MTPAP: variants seen among roughly 807,000 people sequenced by gnomAD.
MTPAP encodes poly(A) RNA polymerase, mitochondrial.
MTPAP carries 23 observed loss-of-function variants against 48.7 expected under a neutral mutation model. That is an observed-to-expected ratio of 0.47 (90% confidence interval 0.34 to 0.67). The LOEUF (loss-of-function observed/expected upper bound fraction) is 0.67, where lower values mean the gene tolerates loss of function less well. MTPAP is among the 30% of genes least tolerant of loss of function. MTPAP has a pLI of 0.01. For missense variants in MTPAP, 614 were observed against 694.3 expected (o/e 0.88, Z 1.30); for synonymous variants, 257 against 254.1 (o/e 1.01, Z -0.11).
chr10:30,317,021 CTA>C (rs1564518188), intron 6 of MTPAP, among the ~76,000 whole-genome samples: 1 of 152,078 alleles, frequency 6.6e-6, no homozygotes, highest in Non-Finnish European at 1.5e-5. Context: ...AATTTCTTGT[CTA>C]TGATTTAATG....
chr10:30,327,859 A>AT (rs534825118), intron 4 of MTPAP, among the ~76,000 whole-genome samples: 2 of 152,036 alleles, frequency 1.3e-5, no homozygotes, highest in South Asian at 4.1e-4. Flanking sequence ...AAAAAAAAAA[A>AT]AACTGAAGTA....
chr10:30,339,571 G>A (rs1263802666), intron 3 of MTPAP, among the ~76,000 whole-genome samples: 1 of 151,796 alleles, frequency 6.6e-6, no homozygotes, highest in Non-Finnish European at 1.5e-5. Flanking sequence ...TCATTATGCT[G>A]GAAAGAGAAA....
chr10:30,313,999 T>C, intron 8 of MTPAP, 28 bp from the exon 9 acceptor site: 1 of 1,608,016 alleles, frequency 6.2e-7, no homozygotes, highest in African/African-American at 1.3e-5. Context: ...GAAGAAAAAA[T>C]GAGTAAGTAC....
rs985608189 is a variant in MTPAP at position 30,311,547 on chromosome 10, C to G, written c.*2062G>C. The stretch of plus-strand genomic sequence containing the variant: ...TGACCTAGCATTTTCCTACATCCCT[C>G]GCTTAATCCTCACATTGATCTGATC... On this transcript the variant is annotated 3_prime_UTR_variant, in exon 9 of 9. Transcript: ENST00000263063. The G allele has an allele frequency of 6.6e-6, 1 of 152,170 alleles. No homozygotes were observed. Among genetic ancestry groups the G allele is most frequent in the Non-Finnish European group, 1.5e-5 (1 of 68,034 alleles). The allele number at this position is 152,170 out of a possible 1,614,324, so 9.4% of individuals were successfully genotyped here.
intron 4 of MTPAP, among the ~76,000 whole-genome samples, chr10:30,335,071 A>G (rs972382279): frequency 6.6e-6 from 1 of 152,264 alleles, no homozygotes; most frequent in Non-Finnish European, 1.5e-5. Flanking sequence ...GAAGATGAAT[A>G]TAAGTTGTCT....
In MTPAP at chr10:30,340,477, G is replaced by T. The variant is rs772525499; in HGVS notation, c.331-27C>A. On this transcript the variant is annotated intron_variant, in intron 2 of 8. Transcript: ENST00000263063. ...TATACCAAAAACATAAGAAAAAACA[G>T]AACACATTTCACGATATATCTAACA... 8.6e-6 allele frequency: 13 copies of T among 1,511,354 alleles called. No individual in the cohort carries two copies. In the Admixed American group the frequency reaches 2.0e-4, roughly 23 times the overall value. 93.6% of individuals were successfully genotyped at this position (1,511,354 alleles called of 1,614,324 possible).
chr10:30,347,455 A>T (rs1268019286), intron 1 of MTPAP, among the ~76,000 whole-genome samples: 2 of 152,250 alleles, frequency 1.3e-5, no homozygotes, highest in Middle Eastern at 3.2e-3. Context: ...TGGTAAAGAC[A>T]TCCAAATGAG....
chr10:30,340,439 A>C lies in MTPAP; in HGVS notation c.342T>G (p.Ala114=). Residue 114 remains alanine, a synonymous_variant, in exon 3 of 9, where the codon GCT becomes GCG. Transcript: ENST00000263063. The stretch of plus-strand genomic sequence containing the variant: ...TTTCCTTTTGGCAAAATTCTACGAC[A>C]GCATAGAGACCCTATACCAAAAACA... ...HFFYESFGLY[A]VVEFCQKESI... 6.2e-7 allele frequency: 1 copy of C among 1,613,786 alleles called. No homozygotes were observed.
chr10:30,349,156 A>G lies in MTPAP; in HGVS notation c.120T>C (p.Leu40=). 6.2e-7 allele frequency: 1 copy of G among 1,613,592 alleles called. No homozygotes were observed. Among genetic ancestry groups the G allele is most frequent in the Non-Finnish European group, 8.5e-7 (1 of 1,179,780 alleles). ...TCCCTGAAGGCTGCTCGTCTCTCCT[A>G]AGGTCTTTGGCCACAGTTCCTGGGC... ...LSCPGTVAKD[L]RRDEQPSGSV... The change falls in exon 1 of 9, where the codon CTT becomes CTC. Residue 40 remains leucine (L), a synonymous_variant. Transcript: ENST00000263063.
At chr10:30,322,655 C>G in intron 5 of MTPAP, 38 bp from the exon 6 acceptor site, 1 of 1,444,840 alleles carries the variant, frequency 6.9e-7, no homozygotes. Flanking sequence ...TTCAAATCCC[C>G]AAATTATAAA....
In MTPAP at chr10:30,312,299, G is replaced by A. The variant is rs977297260; in HGVS notation, c.*1310C>T. 1 of 151,854 alleles carries A rather than the reference G, an allele frequency of 6.6e-6. No homozygotes were observed. The highest frequency in any genetic ancestry group is 1.5e-5 in the Non-Finnish European group (1 of 67,992). 9.4% of individuals were successfully genotyped at this position (151,854 alleles called of 1,614,324 possible). On this transcript the variant is annotated 3_prime_UTR_variant, in exon 9 of 9. Coordinates refer to ENST00000263063, the MANE Select transcript of MTPAP (RefSeq NM_018109.4). ...CTTGGATTGAAAATACAGTATTCTCGGCCAGGCATGGTGGCTCACGCTTGT... is the reference window on the plus strand; with the variant it reads ...CTTGGATTGAAAATACAGTATTCTCAGCCAGGCATGGTGGCTCACGCTTGT...
At position 30,322,491 on chromosome 10, in the gene MTPAP, T is replaced by C. The variant is rs762613462; in HGVS notation, c.1119A>G (p.Ala373=). 5 of 1,613,744 alleles carry C rather than the reference T, an allele frequency of 3.1e-6. No individual in the cohort carries two copies. The highest frequency in any genetic ancestry group is 2.7e-5 in the African/African-American group (2 of 75,040). Residue 373 remains alanine, a synonymous_variant, in exon 6 of 9, where the codon GCA becomes GCG. Transcript: ENST00000263063. ...TTGTAAGGGAGAAATTTGTAATCCA[T>C]GCACCAGGAATACTACTTGTTAGTG... is the stretch of plus-strand genomic sequence containing the variant. ...AHSLTSSIPG[A]WITNFSLTMM... is the part of the protein sequence containing the mutation.
In MTPAP at chr10:30,349,174, T is replaced by A. The variant is rs1720227168; in HGVS notation, c.102A>T (p.Gly34=). Residue 34 remains glycine, a synonymous_variant, in exon 1 of 9, where the codon GGA becomes GGT. Coordinates refer to ENST00000263063, the MANE Select transcript of MTPAP (RefSeq NM_018109.4). The part of the protein sequence containing the change: ...RPIVRLLSCP[G]TVAKDLRRDE... ...CTCTCCTAAGGTCTTTGGCCACAGT[T>A]CCTGGGCAACTCAAAAGCCTGACGA... 5 of 1,612,616 alleles carry A rather than the reference T, an allele frequency of 3.1e-6. No homozygotes were observed. Among genetic ancestry groups the A allele is most frequent in the Non-Finnish European group, 4.2e-6 (5 of 1,179,692 alleles).
intron 1 of MTPAP, 76 bp downstream of exon 1, chr10:30,349,043 G>A: frequency 1.2e-6 from 2 of 1,605,802 alleles, no homozygotes; most frequent in Non-Finnish European, 8.5e-7. Context: ...CGTTTCCACA[G>A]GCCACGTGTT....
At chr10:30,326,944 C>T (rs978659901) in intron 4 of MTPAP, among the ~76,000 whole-genome samples, 2 of 152,140 alleles carry the variant, frequency 1.3e-5, no homozygotes, top group East Asian at 3.8e-4. Context: ...GAACCATTCA[C>T]CTTATAAATT....
chr10:30,330,754 T>G (rs1197418391), intron 4 of MTPAP, among the ~76,000 whole-genome samples: 1 of 152,170 alleles, frequency 6.6e-6, no homozygotes, highest in Non-Finnish European at 1.5e-5. Flanking sequence ...CTTTGGCCAG[T>G]GAAATGTGAG....
chr10:30,327,499 A>AAAAT (rs55642261), intron 4 of MTPAP, among the ~76,000 whole-genome samples: 2,026 of 138,972 alleles, frequency 0.015, 37 homozygotes, highest in East Asian at 0.05. Context: ...ACTCCATTTC[A>AAAAT]AAATAAATAA....
chr10:30,330,569 A>T (rs976107647), intron 4 of MTPAP, among the ~76,000 whole-genome samples: 1 of 152,244 alleles, frequency 6.6e-6, no homozygotes, highest in African/African-American at 2.4e-5. Context: ...GAAAATGACA[A>T]GAAAAAATAG....
Position 30,313,605 on chromosome 10 carries a change from G to C in MTPAP, c.*4C>G. The C allele has an allele frequency of 6.2e-7, 1 of 1,614,154 alleles. No individual in the cohort carries two copies. Among genetic ancestry groups the C allele is most frequent in the Non-Finnish European group, 8.5e-7 (1 of 1,180,006 alleles). On this transcript the variant is annotated 3_prime_UTR_variant, in exon 9 of 9. Transcript: ENST00000263063. ...GCCCAGTTCTTTACACAATGTAGCA[G>C]CCATCATGTCTGAGTACTAATTGTT...
Sources: gnomAD v4.1 joint callset for allele counts (sites outside exome capture counted in the v4.1 genomes callset) on GRCh38, gnomAD v4.1.1 for gene constraint, MANE v1.5 for transcripts, NCBI Gene and HGNC (gene_info 2026-07-23, HGNC 2026-07-21) for gene names.